COPB1: variants seen among roughly 807,000 people sequenced by gnomAD.
COPB1 encodes the protein coatomer subunit beta.
In COPB1, 21 loss-of-function variants were observed where a neutral mutation model predicts 108.7. The ratio of observed to expected loss-of-function variants is 0.19; its 90% confidence interval spans 0.14 to 0.28. The LOEUF is 0.28. Among genes scored for constraint, COPB1 ranks in the 10% least tolerant of loss-of-function variants. The probability of loss-of-function intolerance (pLI) is 1.00; values close to 1 mark genes in which losing one functional copy is unlikely to be tolerated. For synonymous variants in COPB1, 378 were observed against 386.8 expected, an observed-to-expected ratio of 0.98 and a Z score of 0.27; for missense variants, 919 against 1,141.3, an observed-to-expected ratio of 0.81 and a Z score of 2.81.
At chr11:14,489,775 A>C (rs1188766356) in intron 5 of COPB1, among the ~76,000 whole-genome samples, 2 of 152,220 alleles carry the variant, frequency 1.3e-5, no homozygotes. Flanking sequence ...TTTGCAAGAC[A>C]AAAAAAGTTA....
At chr11:14,495,014 T>A (rs1425672690) in intron 2 of COPB1, among the ~76,000 whole-genome samples, 4 of 152,208 alleles carry the variant, frequency 2.6e-5, no homozygotes, top group African/African-American at 9.6e-5. Flanking sequence ...TCTTAAGATA[T>A]CATCTGGAAA....
chr11:14,467,088 C>T (rs766527074), intron 16 of COPB1, among the ~76,000 whole-genome samples: 4 of 151,976 alleles, frequency 2.6e-5, no homozygotes, highest in Non-Finnish European at 5.9e-5. Context: ...ATATTATCAA[C>T]AGAATGAAAA....
chr11:14,470,899 TAC>T (rs56957263), intron 14 of COPB1, among the ~76,000 whole-genome samples: 6,082 of 134,666 alleles, frequency 0.045, 125 homozygotes, highest in African/African-American at 0.054. Context: ...GTGGAAGAAA[TAC>T]ACACACACAC....
chr11:14,496,050 T>TA (rs1446020174), intron 2 of COPB1, among the ~76,000 whole-genome samples: 2 of 152,152 alleles, frequency 1.3e-5, no homozygotes, highest in African/African-American at 2.4e-5. Flanking sequence ...AATCAGGAGG[T>TA]ATTCCATTAC....
At position 14,468,667 on chromosome 11, in the gene COPB1, A is replaced by T; in HGVS notation, c.2145+14T>A. ...CGATTTAAATAATTTAGAGTCTATC[A>T]GACATTTTGTTACCTTGTTAAGTTT... is the stretch of plus-strand genomic sequence containing the variant. On this transcript the variant is annotated intron_variant, in intron 16 of 21. Transcript: ENST00000439561. 1.2e-6 allele frequency: 2 copies of T among 1,611,386 alleles called. No individual in the cohort carries two copies. The highest frequency in any genetic ancestry group is 1.7e-6 in the Non-Finnish European group (2 of 1,178,286).
At position 14,464,905 on chromosome 11, in the gene COPB1, C is replaced by A; in HGVS notation, c.2410+6G>T. 1 of 1,611,948 alleles carries A rather than the reference C, an allele frequency of 6.2e-7. No homozygotes were observed. The highest frequency in any genetic ancestry group is 8.5e-7 in the Non-Finnish European group (1 of 1,179,272). Reference sequence around the variant, plus strand: ...AAACATTACATGCCATAAAACAGCACCTTACCTATATTACCAAAAATTATT... The same window carrying A: ...AAACATTACATGCCATAAAACAGCAACTTACCTATATTACCAAAAATTATT... On this transcript the variant is annotated splice_donor_region_variant and intron_variant, in intron 18 of 21. Transcript: ENST00000439561.
intron 12 of COPB1, 24 bp from the exon 13 acceptor site, chr11:14,475,969 T>C (rs757987282): frequency 1.3e-6 from 2 of 1,561,080 alleles, no homozygotes; most frequent in Non-Finnish European, 1.7e-6. Flanking sequence ...GGAAACATCA[T>C]TTTAGTAATA....
chr11:14,491,633 C>A, intron 4 of COPB1, among the ~76,000 whole-genome samples: 1 of 147,012 alleles, frequency 6.8e-6, no homozygotes. Context: ...CGTGCCATTG[C>A]ACTCGAGCCT....
chr11:14,461,259 T>C lies in COPB1; in HGVS notation c.2483A>G (p.Asp828Gly). 1 of 1,614,164 alleles carries C rather than the reference T, an allele frequency of 6.2e-7. No homozygotes were observed. Among genetic ancestry groups the C allele is most frequent in the South Asian group, 1.1e-5 (1 of 91,082 alleles). The change falls in exon 19 of 22, where the codon GAC (aspartate) becomes GGC (glycine). Residue 828 changes from aspartate (D) to glycine (G), a missense_variant. Asp to Gly is a moderately conservative substitution (Grantham distance 94, BLOSUM62 -1). Around this residue, in one of 5 missense-constraint regions of COPB1, gnomAD observed 705 missense variants for 817.8 expected, o/e 0.86. Transcript: ENST00000439561. ...AGTGCAAGTTGCAGGCTGGATATAG[T>C]CCATGATGTCGATGTGAATATCACT... ...VLSDIHIDIM[D>G]YIQPATCTDA... is the part of the protein sequence containing the mutation.
intron 20 of COPB1, among the ~76,000 whole-genome samples, chr11:14,459,476 G>A (rs953935920): frequency 1.2e-4 from 18 of 151,308 alleles, no homozygotes; most frequent in African/African-American, 1.2e-4. Context: ...TTTCTCTCTC[G>A]TTTTTTTCAT....
rs745835010 is a variant in COPB1, at chr11:14,493,705, C to T, written c.428G>A (p.Cys143Tyr). The change falls in exon 4 of 22, where the codon TGT becomes TAT. Residue 143 changes from cysteine to tyrosine, a missense_variant. This residue lies in a region of COPB1 where 78 missense variants were observed against 95.4 expected (regional missense o/e 0.82). Transcript: ENST00000439561. ...LEPLMPAIRA[C>Y]LEHRHSYVRR... is the part of the protein sequence containing the mutation. Reference sequence around the variant, plus strand: ...AACATAGCTGTGTCGATGCTCCAAACATGCACGAATAGCTGGCATTAAAGG... The same window carrying T: ...AACATAGCTGTGTCGATGCTCCAAATATGCACGAATAGCTGGCATTAAAGG... 3 of 1,613,904 alleles carry T rather than the reference C, an allele frequency of 1.9e-6. No homozygotes were observed. The highest frequency in any genetic ancestry group is 2.5e-6 in the Non-Finnish European group (3 of 1,179,942).
rs186778983 is a variant in COPB1, at chr11:14,476,485, C to T, written c.1455+434G>A. 3.5e-3 allele frequency among the ~76,000 whole-genome samples: 536 copies of T among 152,210 alleles called. 12 individuals are homozygous for T. Among genetic ancestry groups the T allele is most frequent in the Admixed American group, 0.031 (473 of 15,274 alleles). On this transcript the variant is annotated intron_variant, in intron 12 of 21. Coordinates refer to ENST00000439561, the MANE Select transcript of COPB1 (RefSeq NM_001144061.2). ...AGCACTAAGAGTATTTAATCATTAC[C>T]TATTTTAATTTATTTTATAGGTGAA... is the stretch of plus-strand genomic sequence containing the variant.
At chr11:14,499,210 C>T (rs1851094742) in intron 1 of COPB1, among the ~76,000 whole-genome samples, 1 of 152,088 alleles carries the variant, frequency 6.6e-6, no homozygotes, top group Admixed American at 6.5e-5. Flanking sequence ...GCTGTATAGC[C>T]GAATGAAGGC....
At chr11:14,481,892 A>G (rs1179233975) in intron 8 of COPB1, among the ~76,000 whole-genome samples, 2 of 151,992 alleles carry the variant, frequency 1.3e-5, no homozygotes, top group East Asian at 3.9e-4. Context: ...GGGTTCAAGC[A>G]ATTCTCCTGT....
At chr11:14,473,840 TAAAA>T (rs60686212) in intron 14 of COPB1, among the ~76,000 whole-genome samples, 2 of 138,474 alleles carry the variant, frequency 1.4e-5, no homozygotes, top group South Asian at 2.3e-4. Flanking sequence ...TTCATTTGTT[TAAAA>T]AAAAAAAAAA....
In COPB1 at chr11:14,460,029, TG is replaced by T. The variant is rs1396893334; in HGVS notation, c.2646+178del. 7 of 477,516 alleles carry T rather than the reference TG, an allele frequency of 1.5e-5. No homozygotes were observed. In the Admixed American group the frequency reaches 2.4e-4, roughly 16 times the overall value. 29.6% of individuals were successfully genotyped at this position (477,516 alleles called of 1,614,324 possible). A position where few individuals can be genotyped will look rare whatever the true frequency, so the allele number is the denominator to read the frequency against. ...GTCACTGCACTAGGAAAAAGTAGGA[TG>T]GTATAGTCCAATAGAAAGAGGTAAG... On this transcript the variant is annotated intron_variant, in intron 20 of 21. Transcript: ENST00000439561.
At chr11:14,460,406 G>C (rs1019275065) in intron 19 of COPB1, 109 bp from the exon 20 acceptor site, 15 of 641,466 alleles carry the variant, frequency 2.3e-5, no homozygotes, top group Non-Finnish European at 4.0e-5. Flanking sequence ...AGGTTGGAAA[G>C]AGTAGACACC....
chr11:14,488,225 C>T (rs1272660530), intron 6 of COPB1, among the ~76,000 whole-genome samples: 1 of 152,058 alleles, frequency 6.6e-6, no homozygotes, highest in Non-Finnish European at 1.5e-5. Flanking sequence ...GGGAAGTTCA[C>T]AATGATTTAT....
rs535796370 is a variant in COPB1, at chr11:14,461,436, T to C, written c.2411-105A>G. 3 of 1,166,720 alleles carry C rather than the reference T, an allele frequency of 2.6e-6. No individual in the cohort carries two copies. The Admixed American group carries it at 7.3e-5, about 28-fold the overall frequency. The allele number at this position is 1,166,720 out of a possible 1,614,324, so 72.3% of individuals were successfully genotyped here. On this transcript the variant is annotated intron_variant, in intron 18 of 21. Transcript: ENST00000439561. Reference sequence around the variant, plus strand: ...AGAACTACACTATTAACAATAAGATTGTTTATATAATACTTATTATGTACA... The same window carrying C: ...AGAACTACACTATTAACAATAAGATCGTTTATATAATACTTATTATGTACA...
Sources: gnomAD v4.1 joint callset for allele counts (sites outside exome capture counted in the v4.1 genomes callset) on GRCh38, gnomAD v4.1.1 for gene constraint, gnomAD v4.1.1 regional missense constraint, MANE v1.5 for transcripts, NCBI Gene and HGNC (gene_info 2026-07-23, HGNC 2026-07-21) for gene names.